FRMD6: variants seen among roughly 807,000 people sequenced by gnomAD.
The protein encoded by FRMD6 is FERM domain-containing protein 6.
A neutral mutation model predicts 73.2 loss-of-function variants in FRMD6; 37 were observed. The observed-to-expected ratio is 0.51, with a 90% CI of 0.39 to 0.66. FRMD6 has a LOEUF of 0.66. Among genes scored for constraint, FRMD6 ranks in the 30% least tolerant of loss-of-function variants. FRMD6 has a pLI of 0.00. For missense variants in FRMD6, 714 were observed against 780.5 expected, an observed-to-expected ratio of 0.91 and a Z score of 1.02; for synonymous variants, 273 against 282.2, an observed-to-expected ratio of 0.97 and a Z score of 0.33.
the FRMD6 span, among the ~76,000 whole-genome samples, chr14:51,450,326 G>T: frequency 6.6e-6 from 1 of 152,192 alleles, no homozygotes; most frequent in Non-Finnish European, 1.5e-5. Context: ...TGAAAATTTA[G>T]ATATTAGATA....
At chr14:51,520,011 G>A (rs894776360) in intron 1 of FRMD6, among the ~76,000 whole-genome samples, 35 of 152,060 alleles carry the variant, frequency 2.3e-4, no homozygotes, top group African/African-American at 7.7e-4. Flanking sequence ...TCTGTGAAAG[G>A]CACCATTAAG....
intron 1 of FRMD6, among the ~76,000 whole-genome samples, chr14:51,672,408 A>G (rs1894074943): frequency 6.6e-6 from 1 of 152,236 alleles, no homozygotes; most frequent in South Asian, 2.1e-4. Context: ...GGAAATCATT[A>G]GGCATTCACC....
At chr14:51,497,815 G>A (rs1361352128) in intron 1 of FRMD6, among the ~76,000 whole-genome samples, 2 of 152,106 alleles carry the variant, frequency 1.3e-5, no homozygotes. Flanking sequence ...TACCATCCTG[G>A]GCAGCCCAGC....
chr14:51,628,799 TCAAA>T (rs1566512067), intron 2 of FRMD6, among the ~76,000 whole-genome samples: 4 of 9,324 alleles, frequency 4.3e-4, no homozygotes, highest in Non-Finnish European at 6.7e-4. Context: ...AGACTCTGTC[TCAAA>T]AAAAAAAAAA....
At chr14:51,721,078 T>C (rs1897533132) in intron 11 of FRMD6, among the ~76,000 whole-genome samples, 1 of 152,202 alleles carries the variant, frequency 6.6e-6, no homozygotes, top group Admixed American at 6.5e-5. Flanking sequence ...GTAGAATTTG[T>C]GTGGCTCTCA....
At chr14:51,411,022 G>C in the FRMD6 span, among the ~76,000 whole-genome samples, 1 of 151,994 alleles carries the variant, frequency 6.6e-6, no homozygotes, top group Non-Finnish European at 1.5e-5. Context: ...GTAACTCCCC[G>C]CAGTTAGTTA....
chr14:51,532,195 C>T (rs1157927295), intron 1 of FRMD6, among the ~76,000 whole-genome samples: 6 of 151,876 alleles, frequency 4.0e-5, no homozygotes, highest in East Asian at 3.9e-4. Flanking sequence ...GGTGAAACCC[C>T]GTTTCTACTA....
chr14:51,573,438 GA>G (rs978706372), intron 2 of FRMD6, among the ~76,000 whole-genome samples: 1 of 152,202 alleles, frequency 6.6e-6, no homozygotes, highest in Non-Finnish European at 1.5e-5. Context: ...AAAAGGGACA[GA>G]GGAAATGTCT....
chr14:51,657,135 T>C (rs1892890694), intron 1 of FRMD6, among the ~76,000 whole-genome samples: 1 of 152,260 alleles, frequency 6.6e-6, no homozygotes, highest in South Asian at 2.1e-4. Context: ...ATGATTTTTC[T>C]CTCTGATTGG....
chr14:51,454,295 G>A, the FRMD6 span, among the ~76,000 whole-genome samples: 3,383 of 152,348 alleles, frequency 0.022, 75 homozygotes, highest in African/African-American at 0.053. Flanking sequence ...TAAAAGCAAT[G>A]TATGTCCTTT....
At chr14:51,437,476 G>A in the FRMD6 span, among the ~76,000 whole-genome samples, 1 of 152,144 alleles carries the variant, frequency 6.6e-6, no homozygotes, top group Non-Finnish European at 1.5e-5. Flanking sequence ...CTAATTTTTT[G>A]TATTTTTAGT....
chr14:51,549,255 G>A (rs979764632), intron 1 of FRMD6, among the ~76,000 whole-genome samples: 1 of 152,080 alleles, frequency 6.6e-6, no homozygotes, highest in African/African-American at 2.4e-5. Context: ...GAAAAGCGTG[G>A]TAAACCCCTG....
chr14:51,687,498 T>G (rs1895246941), intron 1 of FRMD6, among the ~76,000 whole-genome samples: 3 of 152,188 alleles, frequency 2.0e-5, no homozygotes, highest in African/African-American at 7.2e-5. Flanking sequence ...TAGAATTGTA[T>G]CTCTAAATGG....
chr14:51,646,141 AC>A (rs1354283125), intron 2 of FRMD6, among the ~76,000 whole-genome samples: 2 of 151,464 alleles, frequency 1.3e-5, no homozygotes, highest in South Asian at 2.1e-4. Context: ...ACACAGCGAA[AC>A]CCCGTCTCTA....
intron 1 of FRMD6, among the ~76,000 whole-genome samples, chr14:51,492,979 A>T (rs1883103096): frequency 6.6e-6 from 1 of 152,152 alleles, no homozygotes; most frequent in South Asian, 2.1e-4. Flanking sequence ...CAGATGGTTC[A>T]TCTCATTTAA....
At chr14:51,410,865 T>C in the FRMD6 span, among the ~76,000 whole-genome samples, 1 of 152,220 alleles carries the variant, frequency 6.6e-6, no homozygotes, top group Non-Finnish European at 1.5e-5. Context: ...AATGTCTATG[T>C]GTAAATGTGA....
the FRMD6 span, among the ~76,000 whole-genome samples, chr14:51,453,651 TG>T: frequency 6.6e-6 from 1 of 152,188 alleles, no homozygotes; most frequent in East Asian, 1.9e-4. Context: ...TGATTAGCTT[TG>T]TCTCACACAT....
chr14:51,467,865 C>A, the FRMD6 span, among the ~76,000 whole-genome samples: 1 of 151,952 alleles, frequency 6.6e-6, no homozygotes, highest in African/African-American at 2.4e-5. Context: ...TGGGCAGAGA[C>A]GCTCCTCACT....
chr14:51,436,945 T>A, the FRMD6 span: 2 of 958,078 alleles, frequency 2.1e-6, no homozygotes, highest in Non-Finnish European at 3.1e-6. Flanking sequence ...GAGAGGAGGA[T>A]GAAGGAGAAG....
Sources: gnomAD v4.1 joint callset for allele counts (sites outside exome capture counted in the v4.1 genomes callset) on GRCh38, gnomAD v4.1.1 for gene constraint, MANE v1.5 for transcripts, NCBI Gene and HGNC (gene_info 2026-07-23, HGNC 2026-07-21) for gene names.